The following ODAD2 variants were observed in gnomAD, a reference collection of about 807,000 sequenced individuals.
The protein encoded by ODAD2 is outer dynein arm-docking complex subunit 2.
In ODAD2, 89 loss-of-function variants were observed where a neutral mutation model predicts 106.8. The observed-to-expected ratio is 0.83, with a 90% confidence interval of 0.70 to 0.99. ODAD2 has a LOEUF of 0.99. Ranked by LOEUF, ODAD2 falls within the 50% of genes least tolerant of loss-of-function variation. The probability of loss-of-function intolerance (pLI) is 0.00; values close to 1 mark genes in which losing one functional copy is unlikely to be tolerated. For missense variants in ODAD2, 1,168 were observed against 1,238.5 expected, an observed-to-expected ratio of 0.94 and a Z score of 0.85; for synonymous variants, 404 against 436.2, an observed-to-expected ratio of 0.93 and a Z score of 0.92.
chr10:27,820,861 C>A (rs1439054637), intron 19 of ODAD2, among the ~76,000 whole-genome samples: 1 of 148,164 alleles, frequency 6.7e-6, no homozygotes, highest in Non-Finnish European at 1.5e-5. Flanking sequence ...CAGCTCACTG[C>A]AACCTCTGAC....
At chr10:27,948,586 T>G (rs1847101267) in intron 10 of ODAD2, among the ~76,000 whole-genome samples, 1 of 152,152 alleles carries the variant, frequency 6.6e-6, no homozygotes, top group Non-Finnish European at 1.5e-5. Flanking sequence ...TTTCACATTT[T>G]ATCACGCATT....
chr10:27,871,265 AG>A (rs1840860551), intron 17 of ODAD2, among the ~76,000 whole-genome samples: 1 of 152,230 alleles, frequency 6.6e-6, no homozygotes, highest in African/African-American at 2.4e-5. Context: ...ACCCTTTGTC[AG>A]ATGAGTAGAT....
intron 5 of ODAD2, 77 bp downstream of exon 5, chr10:27,984,107 G>T: frequency 1.3e-6 from 2 of 1,482,774 alleles, no homozygotes; most frequent in Non-Finnish European, 1.9e-6. Context: ...CTCTTGTAAT[G>T]TAGACATTGA....
intron 10 of ODAD2, chr10:27,959,013 A>T (rs1278923014): frequency 2.3e-6 from 3 of 1,301,406 alleles, no homozygotes; most frequent in African/African-American, 1.5e-5. Flanking sequence ...CTTGGGAAAA[A>T]CTCAGGACTC....
At chr10:27,918,516 C>T (rs1199129493) in intron 16 of ODAD2, among the ~76,000 whole-genome samples, 2 of 151,520 alleles carry the variant, frequency 1.3e-5, no homozygotes, top group South Asian at 2.1e-4. Context: ...TAAAATATAA[C>T]TCTCACAGCA....
At chr10:27,958,714 T>A in intron 10 of ODAD2, 1 of 525,704 alleles carries the variant, frequency 1.9e-6, no homozygotes, top group Non-Finnish European at 2.9e-6. Context: ...AACTACTTTG[T>A]GCTAAGCACT....
chr10:27,924,537 A>C (rs1845102195), intron 16 of ODAD2, among the ~76,000 whole-genome samples: 1 of 149,032 alleles, frequency 6.7e-6, no homozygotes, highest in African/African-American at 2.4e-5. Context: ...AGAACAGTAC[A>C]TCCAGTTAAT....
chr10:27,944,185 G>A, intron 12 of ODAD2, 37 bp downstream of exon 12: 1 of 1,553,620 alleles, frequency 6.4e-7, no homozygotes, highest in Non-Finnish European at 8.8e-7. Flanking sequence ...AGTGGCGGCT[G>A]GCACTAGATG....
chr10:27,964,689 A>T (rs1295010838), intron 9 of ODAD2, among the ~76,000 whole-genome samples: 1 of 152,202 alleles, frequency 6.6e-6, no homozygotes, highest in Non-Finnish European at 1.5e-5. Context: ...AACAGAATCA[A>T]ATCTGTGGTC....
intron 10 of ODAD2, among the ~76,000 whole-genome samples, chr10:27,959,376 C>A (rs1847959625): frequency 6.6e-6 from 1 of 151,456 alleles, no homozygotes; most frequent in Non-Finnish European, 1.5e-5. Context: ...ACTGCCAGTT[C>A]TTTTTTTCTT....
chr10:27,970,381 T>C (rs1191395506), intron 8 of ODAD2, among the ~76,000 whole-genome samples: 6 of 152,174 alleles, frequency 3.9e-5, no homozygotes, highest in Admixed American at 3.9e-4. Context: ...ATTAGCTCCA[T>C]ATAATTTTCA....
chr10:27,914,622 A>T (rs1193630319), intron 16 of ODAD2, among the ~76,000 whole-genome samples: 1 of 152,122 alleles, frequency 6.6e-6, no homozygotes, highest in Non-Finnish European at 1.5e-5. Flanking sequence ...ATTTGTGGTT[A>T]TCTCCTCTGT....
At chr10:27,874,241 A>G (rs896912724) in intron 17 of ODAD2, among the ~76,000 whole-genome samples, 37 of 152,216 alleles carry the variant, frequency 2.4e-4, no homozygotes, top group Admixed American at 1.3e-3. Context: ...TTTTGAGCCT[A>G]TGTGTGTCTC....
Position 27,862,517 on chromosome 10 carries a change from T to C in ODAD2, c.2716A>G (p.Thr906Ala). The change falls in exon 18 of 20, where the codon ACC (threonine) becomes GCC (alanine). Residue 906 changes from threonine to alanine, a missense_variant. Around this residue, in one of 3 missense-constraint regions of ODAD2, gnomAD observed 701 missense variants for 712.3 expected, o/e 0.98. Coordinates refer to ENST00000305242, the MANE Select transcript of ODAD2 (RefSeq NM_018076.5). ...TTTTCTTGATCTTTTGCTATGTTGG[T>C]AATGGCAGCACATACACTTGCCAGA... ...EVLASVCAAI[T>A]NIAKDQENLA... 6.2e-7 allele frequency: 1 copy of C among 1,613,116 alleles called. No homozygotes were observed. Among genetic ancestry groups the C allele is most frequent in the Non-Finnish European group, 8.5e-7 (1 of 1,179,582 alleles).
intron 19 of ODAD2, among the ~76,000 whole-genome samples, chr10:27,814,823 C>T (rs1348434242): frequency 2.0e-5 from 3 of 152,208 alleles, no homozygotes; most frequent in African/African-American, 7.2e-5. Context: ...CTCTGTTCTT[C>T]CCTGTGCCTT....
At chr10:27,952,074 C>CAAAAAAAAAAAAAAAAAAAAAAAAAAAA (rs71388944) in intron 10 of ODAD2, among the ~76,000 whole-genome samples, 7 of 44,014 alleles carry the variant, frequency 1.6e-4, no homozygotes, top group Non-Finnish European at 2.7e-4. Context: ...GATGCCAACT[C>CAAAAAAAAAAAAAAAAAAAAAAAAAAAA]AAAAAAAAAA....
intron 9 of ODAD2, among the ~76,000 whole-genome samples, chr10:27,966,562 C>T (rs1848501734): frequency 6.6e-6 from 1 of 152,108 alleles, no homozygotes; most frequent in South Asian, 2.1e-4. Flanking sequence ...TGTCCCATCG[C>T]AACTGCATAT....
At chr10:27,997,825 T>A (rs1365373915) in intron 1 of ODAD2, among the ~76,000 whole-genome samples, 1 of 152,200 alleles carries the variant, frequency 6.6e-6, no homozygotes, top group East Asian at 1.9e-4. Context: ...ATTGCCAAGC[T>A]CTTTTGGCTT....
At position 27,974,494 on chromosome 10, in the gene ODAD2, C is replaced by T. The variant is rs191722061; in HGVS notation, c.937-3181G>A. 1.3e-3 allele frequency among the ~76,000 whole-genome samples: 203 copies of T among 152,256 alleles called. 1 individual carries two copies. The highest frequency in any genetic ancestry group is 4.5e-3 in the African/African-American group (189 of 41,542). On this transcript the variant is annotated intron_variant, in intron 7 of 19. Transcript: ENST00000305242. ...ATTTATCGAATAGGGAGTCTTTTCC[C>T]CATTGCTTGTTTTTGTCAGCTTTGC...
Sources: gnomAD v4.1 joint callset for allele counts (sites outside exome capture counted in the v4.1 genomes callset) on GRCh38, gnomAD v4.1.1 for gene constraint, gnomAD v4.1.1 regional missense constraint, MANE v1.5 for transcripts, NCBI Gene and HGNC (gene_info 2026-07-23, HGNC 2026-07-21) for gene names.